Variants in MSH3 observed in about 807,000 individuals in gnomAD.
The protein encoded by MSH3 is DNA mismatch repair protein Msh3.
MSH3 carries 106 observed loss-of-function variants against 123.3 expected under a neutral mutation model. The observed-to-expected ratio is 0.86, with a 90% CI of 0.73 to 1.01. The LOEUF is 1.01. Ranked by LOEUF, MSH3 falls within the 50% of genes least tolerant of loss-of-function variation. MSH3 has a pLI of 0.00. For missense variants in MSH3, 1,459 were observed against 1,347.6 expected (o/e 1.08, Z -1.29); for synonymous variants, 515 against 481.4 (o/e 1.07, Z -0.91).
chr5:80,800,580 T>C (rs973845931), intron 19 of MSH3, among the ~76,000 whole-genome samples: 2 of 152,244 alleles, frequency 1.3e-5, no homozygotes, highest in Non-Finnish European at 2.9e-5. Context: ...TCCTTACTTA[T>C]TGTGTCATCT....
At chr5:80,791,342 C>G (rs1212509770) in intron 18 of MSH3, among the ~76,000 whole-genome samples, 3 of 152,200 alleles carry the variant, frequency 2.0e-5, no homozygotes, top group African/African-American at 7.2e-5. Context: ...AAAACTTCTT[C>G]AAGTATTTGC....
chr5:80,768,042 G>C lies in MSH3; in HGVS notation c.2006G>C (p.Arg669Pro). 1.2e-6 allele frequency: 2 copies of C among 1,613,568 alleles called. No homozygotes were observed. Among genetic ancestry groups the C allele is most frequent in the Non-Finnish European group, 1.7e-6 (2 of 1,179,760 alleles). Residue 669 changes from arginine (R) to proline (P), a missense_variant, in exon 14 of 24, where the codon CGG becomes CCG. Coordinates refer to ENST00000265081, the MANE Select transcript of MSH3 (RefSeq NM_002439.5). ...TCCCACATTCAGTCAGACTTGCTCC[G>C]GACCGTTATTTTAGAAATTCCTGAA... Reference protein sequence around the residue: ...VNSHIQSDLLRTVILEIPELL... With the variant: ...VNSHIQSDLLPTVILEIPELL...
At position 80,873,229 on chromosome 5, in the gene MSH3, A is replaced by G. The variant is rs1746252809; in HGVS notation, c.3244A>G (p.Ile1082Val). 1 of 1,614,024 alleles carries G rather than the reference A, an allele frequency of 6.2e-7. No homozygotes were observed. Among genetic ancestry groups the G allele is most frequent in the Non-Finnish European group, 8.5e-7 (1 of 1,179,948 alleles). ...VAKLADVPGE[I>V]LKKAAHKSKE... ...TAAACTAGCAGATGTTCCTGGAGAAATTTTGAAGAAAGCAGCTCACAAGTC... is the reference window on the plus strand; with the variant it reads ...TAAACTAGCAGATGTTCCTGGAGAAGTTTTGAAGAAAGCAGCTCACAAGTC... Residue 1082 changes from isoleucine (I) to valine (V), a missense_variant, in exon 23 of 24, where the codon ATT becomes GTT. Physicochemically the swap from Ile to Val is conservative, Grantham distance 29. Coordinates refer to ENST00000265081, the MANE Select transcript of MSH3 (RefSeq NM_002439.5).
Position 80,852,923 on chromosome 5 carries a change from CT to C in MSH3, c.2814-1206del, listed in dbSNP as rs1404221718. Among the ~76,000 whole-genome samples, 49 of 152,290 alleles carry C rather than the reference CT, an allele frequency of 3.2e-4. 1 individual carries two copies. Among genetic ancestry groups the C allele is most frequent in the Non-Finnish European group, 5.7e-4 (39 of 68,014 alleles). ...AAACTAAATCAATGAAGGGATTTTG[CT>C]GAGAAAGTAGTTACCAGCATTCACA... is the stretch of plus-strand genomic sequence containing the variant. On this transcript the variant is annotated intron_variant, in intron 20 of 23. Transcript: ENST00000265081.
At position 80,840,713 on chromosome 5, in the gene MSH3, T is replaced by C. The variant is rs1430291273; in HGVS notation, c.2814-13417T>C. Among the ~76,000 whole-genome samples, 5 of 151,800 alleles carry C rather than the reference T, an allele frequency of 3.3e-5. No homozygotes were observed. In the East Asian group the frequency reaches 9.7e-4, roughly 29 times the overall value. On this transcript the variant is annotated intron_variant, in intron 20 of 23. Coordinates refer to ENST00000265081, the MANE Select transcript of MSH3 (RefSeq NM_002439.5). ...TGCACCCATCAACTCGTCATTTACG[T>C]TAGGTATTTCACCTAATACTATCCC... is the stretch of plus-strand genomic sequence containing the variant.
chr5:80,808,499 T>C (rs904271640), intron 19 of MSH3, among the ~76,000 whole-genome samples: 3 of 152,152 alleles, frequency 2.0e-5, no homozygotes, highest in Non-Finnish European at 4.4e-5. Flanking sequence ...GTTCTCTCAC[T>C]CACTCACCAC....
At chr5:80,681,526 A>C (rs1476737766) in intron 8 of MSH3, among the ~76,000 whole-genome samples, 2 of 151,968 alleles carry the variant, frequency 1.3e-5, no homozygotes, top group Non-Finnish European at 1.5e-5. Flanking sequence ...TACTGAAAAA[A>C]TGAATATAGA....
intron 8 of MSH3, among the ~76,000 whole-genome samples, chr5:80,716,592 A>G (rs1176721585): frequency 6.6e-6 from 1 of 151,870 alleles, no homozygotes. Context: ...ATATTTTTTT[A>G]CATATTTATT....
At chr5:80,663,559 T>G (rs900449886) in intron 2 of MSH3, among the ~76,000 whole-genome samples, 1 of 152,134 alleles carries the variant, frequency 6.6e-6, no homozygotes, top group Non-Finnish European at 1.5e-5. Flanking sequence ...CAGTTTTTTT[T>G]TATGTCTATA....
intron 20 of MSH3, among the ~76,000 whole-genome samples, chr5:80,828,460 A>G (rs933888295): frequency 2.0e-5 from 3 of 152,160 alleles, no homozygotes; most frequent in Admixed American, 2.0e-4. Context: ...GGGGACAAAC[A>G]TTCAAACCAC....
chr5:80,807,035 CA>C (rs1744902931), intron 19 of MSH3, among the ~76,000 whole-genome samples: 3 of 151,430 alleles, frequency 2.0e-5, no homozygotes, highest in Admixed American at 6.6e-5. Flanking sequence ...CTCATCTCTA[CA>C]AAAAAATTAC....
chr5:80,822,492 T>G (rs1325923482), intron 20 of MSH3, among the ~76,000 whole-genome samples: 1 of 152,224 alleles, frequency 6.6e-6, no homozygotes, highest in Non-Finnish European at 1.5e-5. Flanking sequence ...TGTCTTCATA[T>G]ATGTGTGAGT....
intron 20 of MSH3, among the ~76,000 whole-genome samples, chr5:80,826,500 A>G (rs1745301357): frequency 6.6e-6 from 1 of 152,132 alleles, no homozygotes; most frequent in South Asian, 2.1e-4. Flanking sequence ...AGTGTGCAAG[A>G]AGAAGAAGTA....
At chr5:80,723,887 C>G (rs892701779) in intron 8 of MSH3, among the ~76,000 whole-genome samples, 2 of 152,090 alleles carry the variant, frequency 1.3e-5, no homozygotes, top group African/African-American at 4.8e-5. Flanking sequence ...CTCAGCCTTC[C>G]AAGTAGCTGG....
chr5:80,765,522 A>G (rs774278098), intron 13 of MSH3, among the ~76,000 whole-genome samples: 2 of 152,128 alleles, frequency 1.3e-5, no homozygotes, highest in Non-Finnish European at 1.5e-5. Context: ...ACCTTTTTGA[A>G]TACGTTCTTA....
chr5:80,794,259 G>A (rs1293573812), intron 19 of MSH3, among the ~76,000 whole-genome samples: 3 of 152,182 alleles, frequency 2.0e-5, no homozygotes, highest in Admixed American at 1.3e-4. Context: ...CTGGAATGGC[G>A]AATCCTGGCA....
intron 20 of MSH3, among the ~76,000 whole-genome samples, chr5:80,826,815 C>T (rs1360673590): frequency 1.4e-5 from 2 of 143,824 alleles, no homozygotes; most frequent in Non-Finnish European, 3.0e-5. Flanking sequence ...TCCAGAAGTG[C>T]TAGGATTACA....
At position 80,670,223 on chromosome 5, in the gene MSH3, T is replaced by C. The variant is rs1749674272; in HGVS notation, c.706T>C (p.Tyr236His). The C allele has an allele frequency of 6.2e-7, 1 of 1,614,154 alleles. No individual in the cohort carries two copies. Among genetic ancestry groups the C allele is most frequent in the Non-Finnish European group, 8.5e-7 (1 of 1,180,010 alleles). ...CATCTATACGCCGCTAGAATTACAA[T>C]ACATAGAAATGAAGCAGCAGCACAA... Reference protein sequence around the residue: ...KSIYTPLELQYIEMKQQHKDA... With the variant: ...KSIYTPLELQHIEMKQQHKDA... Residue 236 changes from tyrosine to histidine, a missense_variant, in exon 4 of 24, where the codon TAC becomes CAC. Coordinates refer to ENST00000265081, the MANE Select transcript of MSH3 (RefSeq NM_002439.5).
intron 17 of MSH3, among the ~76,000 whole-genome samples, chr5:80,785,659 A>G (rs1165076691): frequency 6.6e-6 from 1 of 152,182 alleles, no homozygotes; most frequent in Non-Finnish European, 1.5e-5. Context: ...CCAAAGGACT[A>G]TAAATCATGC....
Sources: allele counts gnomAD v4.1 joint callset (sites outside exome capture counted in the v4.1 genomes callset), GRCh38; gene constraint gnomAD v4.1.1; transcripts MANE v1.5; gene names NCBI Gene and HGNC (gene_info 2026-07-23, HGNC 2026-07-21).